ERAP1: variants seen among roughly 807,000 people sequenced by gnomAD.
ERAP1 encodes adipocyte-derived leucine aminopeptidase.
A neutral mutation model predicts 103.7 loss-of-function variants in ERAP1; 86 were observed. The ratio of observed to expected loss-of-function variants is 0.83; its 90% CI spans 0.70 to 0.99. The LOEUF (loss-of-function observed/expected upper bound fraction) is 0.99, where lower values mean the gene tolerates loss of function less well. Among genes scored for constraint, ERAP1 ranks in the 50% least tolerant of loss-of-function variants. The pLI, the probability that ERAP1 is intolerant of heterozygous loss-of-function variation, is 0.00. For synonymous variants in ERAP1, 398 were observed against 402.4 expected (o/e 0.99, Z 0.13); for missense variants, 1,009 against 1,128.4 (o/e 0.89, Z 1.52).
chr5:96,893,846 T>G, the ERAP1 span, among the ~76,000 whole-genome samples: 1 of 152,188 alleles, frequency 6.6e-6, no homozygotes, highest in Non-Finnish European at 1.5e-5. Flanking sequence ...CATCCTCATC[T>G]CTTGCCTACA....
the ERAP1 span, among the ~76,000 whole-genome samples, chr5:96,875,251 A>G: frequency 6.6e-6 from 1 of 152,098 alleles, no homozygotes; most frequent in Non-Finnish European, 1.5e-5. Context: ...ATGATTCAAA[A>G]AGGCCAGTTG....
Position 96,788,597 on chromosome 5 carries a change from C to A in ERAP1, c.1613G>T (p.Arg538Met), listed in dbSNP as rs142305981. Residue 538 changes from arginine to methionine, a missense_variant, in exon 11 of 19, where the codon AGG (arginine) becomes ATG (methionine). Physicochemically the swap from Arg to Met is moderately conservative, Grantham distance 91 (BLOSUM62 -1). Around this residue, in one of 3 missense-constraint regions of ERAP1, gnomAD observed 611 missense variants for 651.7 expected, o/e 0.94. Coordinates refer to ENST00000443439, the MANE Select transcript of ERAP1 (RefSeq NM_001040458.3). Reference sequence around the variant, plus strand: ...TTGCTTCATGTGTACATTCCTCCCCCTCACTGTGATGGTTATTAGGGGAAA... The same window carrying A: ...TTGCTTCATGTGTACATTCCTCCCCATCACTGTGATGGTTATTAGGGGAAA... ...KGFPLITITVRGRNVHMKQEH... is the reference protein window; with the variant it reads ...KGFPLITITVMGRNVHMKQEH... The A allele has an allele frequency of 9.3e-6, 15 of 1,614,084 alleles. No homozygotes were observed. The highest frequency in any genetic ancestry group is 5.3e-5 in the African/African-American group (4 of 74,922).
At chr5:96,912,862 A>C in the ERAP1 span, 9 of 1,365,644 alleles carry the variant, frequency 6.6e-6, no homozygotes, top group Admixed American at 2.5e-5. Context: ...GAAGTCACTA[A>C]AACTTCAGCC....
the ERAP1 span, among the ~76,000 whole-genome samples, chr5:96,840,128 A>G: frequency 6.6e-6 from 1 of 152,252 alleles, no homozygotes; most frequent in Non-Finnish European, 1.5e-5. Context: ...TCAATAACTG[A>G]GTAAATGCTG....
chr5:96,824,578 A>T, the ERAP1 span, among the ~76,000 whole-genome samples: 2 of 152,120 alleles, frequency 1.3e-5, no homozygotes, highest in African/African-American at 4.8e-5. Flanking sequence ...TTCCATAAGC[A>T]TGCTAAGCAG....
chr5:96,778,435 G>C (rs1774667256), intron 18 of ERAP1, among the ~76,000 whole-genome samples: 1 of 152,188 alleles, frequency 6.6e-6, no homozygotes, highest in Non-Finnish European at 1.5e-5. Context: ...GGCAAGCCAG[G>C]CAGAGAGAAT....
At chr5:96,844,593 G>C in the ERAP1 span, among the ~76,000 whole-genome samples, 16 of 152,192 alleles carry the variant, frequency 1.1e-4, no homozygotes, top group Admixed American at 9.8e-4. Context: ...TAATTTACAA[G>C]TCCTGAGAGA....
At chr5:96,862,245 T>C in the ERAP1 span, among the ~76,000 whole-genome samples, 1 of 152,302 alleles carries the variant, frequency 6.6e-6, no homozygotes, top group South Asian at 2.1e-4. Context: ...TGCCTCAGCC[T>C]CCCAGAGTGC....
the ERAP1 span, among the ~76,000 whole-genome samples, chr5:96,838,103 G>A: frequency 6.6e-6 from 1 of 152,250 alleles, no homozygotes; most frequent in African/African-American, 2.4e-5. Flanking sequence ...ACATTTGAGC[G>A]GGAAAACGGG....
intron 19 of ERAP1, chr5:96,767,329 C>A: frequency 1.2e-6 from 1 of 818,398 alleles, no homozygotes; most frequent in Non-Finnish European, 2.0e-6. Flanking sequence ...CAAGTCTACA[C>A]TCCATTTTAT....
At chr5:96,868,114 A>G in the ERAP1 span, among the ~76,000 whole-genome samples, 1 of 152,140 alleles carries the variant, frequency 6.6e-6, no homozygotes, top group Non-Finnish European at 1.5e-5. Context: ...AAAAAACTCT[A>G]TTCTCAGGCT....
chr5:96,867,884 G>A, the ERAP1 span, among the ~76,000 whole-genome samples: 1 of 152,142 alleles, frequency 6.6e-6, no homozygotes, highest in African/African-American at 2.4e-5. Flanking sequence ...GACTAGCCTG[G>A]CTAACATGGT....
At chr5:96,881,394 G>A in the ERAP1 span, 1 of 455,992 alleles carries the variant, frequency 2.2e-6, no homozygotes, top group Non-Finnish European at 4.4e-6. Context: ...TGACATATTG[G>A]TCATGTGAGG....
chr5:96,800,410 C>T (rs530105901), intron 3 of ERAP1, among the ~76,000 whole-genome samples: 2 of 152,292 alleles, frequency 1.3e-5, no homozygotes, highest in South Asian at 2.1e-4. Flanking sequence ...CAATTTTGTA[C>T]ATTCAGTTAC....
At chr5:96,807,122 C>A (rs1274415965) in intron 1 of ERAP1, among the ~76,000 whole-genome samples, 1 of 152,202 alleles carries the variant, frequency 6.6e-6, no homozygotes, top group East Asian at 1.9e-4. Context: ...TGCTCTCCCC[C>A]TTCCCCTCAT....
chr5:96,847,861 A>G, the ERAP1 span, among the ~76,000 whole-genome samples: 2 of 152,364 alleles, frequency 1.3e-5, no homozygotes, highest in African/African-American at 4.8e-5. Flanking sequence ...TGCCAACACC[A>G]AAGAGTAAAT....
At chr5:96,852,428 CAT>C in the ERAP1 span, among the ~76,000 whole-genome samples, 2 of 152,196 alleles carry the variant, frequency 1.3e-5, no homozygotes, top group South Asian at 4.1e-4. Flanking sequence ...AGAAGTCAGA[CAT>C]AGAAAAGAAA....
chr5:96,804,066 G>T, intron 1 of ERAP1, 123 bp from the exon 2 acceptor site: 1 of 1,047,000 alleles, frequency 9.6e-7, no homozygotes, highest in Non-Finnish European at 1.4e-6. Context: ...AAAGTACTAG[G>T]TCTTTTCCTG....
chr5:96,880,361 C>A, the ERAP1 span: 3 of 1,066,976 alleles, frequency 2.8e-6, no homozygotes, highest in African/African-American at 1.6e-5. Flanking sequence ...TATGAGAAAT[C>A]CAGTGAACTA....
Sources: gnomAD v4.1 joint callset for allele counts (sites outside exome capture counted in the v4.1 genomes callset) on GRCh38, gnomAD v4.1.1 for gene constraint, gnomAD v4.1.1 regional missense constraint, MANE v1.5 for transcripts, NCBI Gene and HGNC (gene_info 2026-07-23, HGNC 2026-07-21) for gene names.